The following SAMD4B variants were observed in gnomAD, a reference collection of about 807,000 sequenced individuals.
SAMD4B encodes the protein protein Smaug homolog 2.
Under a neutral mutation model 74.5 loss-of-function variants are expected in SAMD4B, and 5 were observed. The ratio of observed to expected loss-of-function variants is 0.07; its 90% CI spans 0.04 to 0.14. The LOEUF is 0.14. Ranked by LOEUF, SAMD4B falls within the 10% of genes least tolerant of loss-of-function variation. The pLI, the probability that SAMD4B is intolerant of heterozygous loss-of-function variation, is 1.00. For synonymous variants in SAMD4B, 373 were observed against 374.9 expected, an observed-to-expected ratio of 1.00 and a Z score of 0.06; for missense variants, 608 against 921.8, an observed-to-expected ratio of 0.66 and a Z score of 4.41.
At chr19:39,346,444 G>A (rs2075708267) in intron 1 of SAMD4B, among the ~76,000 whole-genome samples, 1 of 152,146 alleles carries the variant, frequency 6.6e-6, no homozygotes, top group Admixed American at 6.5e-5. Flanking sequence ...TCCTCCATTT[G>A]CATTGTATTT....
downstream of SAMD4B, chr19:39,388,716 A>C: frequency 6.2e-7 from 1 of 1,608,620 alleles, no homozygotes; most frequent in Non-Finnish European, 8.5e-7. Context: ...GTGTGAGGAC[A>C]AGAGGCAGCA....
downstream of SAMD4B, chr19:39,388,687 G>C: frequency 1.9e-6 from 3 of 1,612,980 alleles, no homozygotes; most frequent in Non-Finnish European, 2.5e-6. Flanking sequence ...CTGGTTGGGG[G>C]AAAAGGAGTA....
intron 8 of SAMD4B, 130 bp downstream of exon 8, chr19:39,377,954 C>G (rs1338103614): frequency 1.5e-5 from 13 of 891,274 alleles, no homozygotes; most frequent in Non-Finnish European, 2.2e-5. Context: ...TGGAACACTA[C>G]AGAGAGTAGC....
chr19:39,367,025 C>G (rs1207343955), intron 3 of SAMD4B, among the ~76,000 whole-genome samples: 1 of 152,226 alleles, frequency 6.6e-6, no homozygotes, highest in Non-Finnish European at 1.5e-5. Context: ...AGGACTTACT[C>G]TATGCTGTGG....
chr19:39,382,230 A>G (rs766370093), intron 12 of SAMD4B, among the ~76,000 whole-genome samples: 1 of 152,202 alleles, frequency 6.6e-6, no homozygotes, highest in Non-Finnish European at 1.5e-5. Flanking sequence ...CTTGACACAC[A>G]GTAGGCATCT....
At chr19:39,387,571 G>A (rs2078280408), downstream of SAMD4B, among the ~76,000 whole-genome samples, 1 of 152,154 alleles carries the variant, frequency 6.6e-6, no homozygotes, top group African/African-American at 2.4e-5. Context: ...GGCCTATGGG[G>A]TCACAGTTCT....
downstream of SAMD4B, chr19:39,388,652 G>T: frequency 6.2e-7 from 1 of 1,614,120 alleles, no homozygotes; most frequent in Non-Finnish European, 8.5e-7. Context: ...CCACAAACTG[G>T]TTCCCTTCCT....
At chr19:39,344,637 C>T (rs1476525428) in intron 1 of SAMD4B, among the ~76,000 whole-genome samples, 2 of 152,178 alleles carry the variant, frequency 1.3e-5, no homozygotes, top group East Asian at 1.9e-4. Context: ...TCTCTTTCCT[C>T]TGAAGTCAAC....
downstream of SAMD4B, chr19:39,386,010 G>T (rs376509373): frequency 6.2e-7 from 1 of 1,613,700 alleles, no homozygotes; most frequent in African/African-American, 1.3e-5. The surrounding 1 kb of genome is among the most constrained non-coding windows in gnomAD (Gnocchi z 6.1). Flanking sequence ...GTCACTATCA[G>T]CTTCACTGGA....
Position 39,369,998 on chromosome 19 carries a change from G to C in SAMD4B, c.540G>C (p.Glu180Asp). The change falls in exon 4 of 14, where the codon GAG becomes GAC. Residue 180 changes from glutamate to aspartate, a missense_variant. Glu to Asp is a conservative substitution (Grantham distance 45, BLOSUM62 2). Coordinates refer to ENST00000610417, the MANE Select transcript of SAMD4B (RefSeq NM_001384574.2). ...QGSDEWGGPAELGPGEAGPGW... is the reference protein window; with the variant it reads ...QGSDEWGGPADLGPGEAGPGW... ...CAGATGAGTGGGGGGGCCCTGCAGA[G>C]CTAGGCCCTGGGGAGGCAGGGCCAG... 2 of 1,613,270 alleles carry C rather than the reference G, an allele frequency of 1.2e-6. No individual in the cohort carries two copies. The highest frequency in any genetic ancestry group is 1.7e-6 in the Non-Finnish European group (2 of 1,179,676).
Position 39,377,775 on chromosome 19 carries a change from C to G in SAMD4B, c.1395C>G (p.Pro465=). The change falls in exon 8 of 14, where the codon CCC becomes CCG. Residue 465 remains proline (P), a synonymous_variant. Coordinates refer to ENST00000610417, the MANE Select transcript of SAMD4B (RefSeq NM_001384574.2). The part of the protein sequence containing the change: ...PTDGSEPAPA[P]VADGDIPSQF... ...ATGGCAGTGAGCCTGCCCCGGCTCC[C>G]GTCGCCGACGGAGACATCCCCAGCC... 1.2e-6 allele frequency: 2 copies of G among 1,612,558 alleles called. No homozygotes were observed. The highest frequency in any genetic ancestry group is 8.5e-7 in the Non-Finnish European group (1 of 1,179,010).
At chr19:39,379,932 C>T (rs1185958576) in intron 9 of SAMD4B, 34 bp from the exon 10 acceptor site, 1 of 1,519,802 alleles carries the variant, frequency 6.6e-7, no homozygotes, top group Non-Finnish European at 9.1e-7. Flanking sequence ...GAAGCATCAC[C>T]CTCTCTGCTT....
rs764248005 is a variant in SAMD4B at position 39,369,969 on chromosome 19, G to T, written c.511G>T (p.Gly171Cys). 19 of 1,613,788 alleles carry T rather than the reference G, an allele frequency of 1.2e-5. No homozygotes were observed. Among genetic ancestry groups the T allele is most frequent in the Non-Finnish European group, 1.6e-5 (19 of 1,179,882 alleles). The change falls in exon 4 of 14, where the codon GGC becomes TGC. Residue 171 changes from glycine (G) to cysteine (C), a missense_variant. Physicochemically the swap from Gly to Cys is radical, Grantham distance 159. This residue lies in a region of SAMD4B where 153 missense variants were observed against 153.0 expected (regional missense o/e 1.00). Transcript: ENST00000610417. The part of the protein sequence containing the change: ...RPEPSYHSRQ[G>C]SDEWGGPAEL... ...AGAGCCCTCCTACCATTCACGTCAAGGCTCAGATGAGTGGGGGGGCCCTGC... is the reference window on the plus strand; with the variant it reads ...AGAGCCCTCCTACCATTCACGTCAATGCTCAGATGAGTGGGGGGGCCCTGC...
chr19:39,382,889 CTG>C (rs138846301), intron 12 of SAMD4B, among the ~76,000 whole-genome samples: 62 of 152,288 alleles, frequency 4.1e-4, no homozygotes, highest in Non-Finnish European at 7.8e-4. Context: ...GATGCCCAGA[CTG>C]TGCTCAAGAC....
At chr19:39,355,540 T>C (rs1436956021) in intron 2 of SAMD4B, among the ~76,000 whole-genome samples, 1 of 152,120 alleles carries the variant, frequency 6.6e-6, no homozygotes, top group Non-Finnish European at 1.5e-5. Flanking sequence ...CTTAGTCCTT[T>C]GGCAGCCAGA....
chr19:39,345,408 T>C (rs530973579), intron 1 of SAMD4B, among the ~76,000 whole-genome samples: 44 of 152,332 alleles, frequency 2.9e-4, no homozygotes, highest in African/African-American at 1.0e-3. Context: ...CCTCAGTGCT[T>C]TCTCTTTCTG....
In SAMD4B at chr19:39,383,509, C is replaced by G. The variant is rs987050880; in HGVS notation, c.2067C>G (p.Asp689Glu). ...MTEHALGDGT[D>E]KTSTI is the part of the protein sequence containing the mutation. The stretch of plus-strand genomic sequence containing the variant: ...CCTTTCTTACCACAGATGGGACAGA[C>G]AAAACCTCCACCATCTGACGGGACC... Residue 689 changes from aspartate (D) to glutamate (E), a missense_variant, in exon 14 of 14, where the codon GAC becomes GAG. Physicochemically the swap from Asp to Glu is conservative, Grantham distance 45. Around this residue, in one of 9 missense-constraint regions of SAMD4B, gnomAD observed 15 missense variants for 40.5 expected, o/e 0.37. Coordinates refer to ENST00000610417, the MANE Select transcript of SAMD4B (RefSeq NM_001384574.2). The surrounding 1 kb of genome is among the most constrained non-coding windows in gnomAD (Gnocchi z 4.1). 1 of 1,614,232 alleles carries G rather than the reference C, an allele frequency of 6.2e-7. No homozygotes were observed. The highest frequency in any genetic ancestry group is 8.5e-7 in the Non-Finnish European group (1 of 1,180,036).
At chr19:39,356,239 A>C (rs915177524) in intron 2 of SAMD4B, among the ~76,000 whole-genome samples, 1 of 152,192 alleles carries the variant, frequency 6.6e-6, no homozygotes, top group Non-Finnish European at 1.5e-5. Context: ...TAGGAGTCAC[A>C]CTGCCCAGCT....
intron 3 of SAMD4B, among the ~76,000 whole-genome samples, chr19:39,363,676 G>A (rs2076784166): frequency 6.6e-6 from 1 of 152,240 alleles, no homozygotes; most frequent in South Asian, 2.1e-4. Flanking sequence ...GGATCAGAGA[G>A]GTTAAAGGAC....
Sources: allele counts gnomAD v4.1 joint callset (sites outside exome capture counted in the v4.1 genomes callset), GRCh38; gene constraint gnomAD v4.1.1; regional missense constraint gnomAD v4.1.1; non-coding constraint Gnocchi (gnomAD v3.1); transcripts MANE v1.5; gene names NCBI Gene and HGNC (gene_info 2026-07-23, HGNC 2026-07-21).